Variants in ACTR3B observed in about 807,000 individuals in gnomAD.
ACTR3B encodes the protein actin-related protein 3B.
In ACTR3B, 8 loss-of-function variants were observed where a neutral mutation model predicts 59.0. That is an observed-to-expected ratio of 0.14 (90% CI 0.08 to 0.24). The LOEUF (loss-of-function observed/expected upper bound fraction) is 0.24, where lower values mean the gene tolerates loss of function less well. Among genes scored for constraint, ACTR3B ranks in the 10% least tolerant of loss-of-function variants. The pLI is 1.00. For missense variants in ACTR3B, 245 were observed against 552.3 expected (o/e 0.44, Z 5.58); for synonymous variants, 148 against 197.9 (o/e 0.75, Z 2.12).
chr7:152,775,525 C>T (rs993592852), intron 1 of ACTR3B, among the ~76,000 whole-genome samples: 9 of 151,976 alleles, frequency 5.9e-5, no homozygotes, highest in Non-Finnish European at 5.9e-5. Context: ...TTTGGGAGGC[C>T]GAGGCGGGCA....
intron 9 of ACTR3B, among the ~76,000 whole-genome samples, chr7:152,843,925 G>T (rs1162193194): frequency 6.6e-6 from 1 of 152,204 alleles, no homozygotes; most frequent in African/African-American, 2.4e-5. Context: ...GCTCCTAGAT[G>T]TGTGTGCATG....
intron 2 of ACTR3B, among the ~76,000 whole-genome samples, chr7:152,797,919 C>G (rs2098222930): frequency 6.6e-6 from 1 of 151,986 alleles, no homozygotes; most frequent in Admixed American, 6.6e-5. Context: ...GCCACATTTT[C>G]TTTATCTGTT....
At chr7:152,839,014 G>T (rs10259830) in intron 9 of ACTR3B, among the ~76,000 whole-genome samples, 2,771 of 151,872 alleles carry the variant, frequency 0.018, 29 homozygotes, top group Middle Eastern at 0.044. Context: ...GAGGGAAGTA[G>T]CATTGTTTGA....
intron 9 of ACTR3B, among the ~76,000 whole-genome samples, chr7:152,847,013 A>G (rs1241971590): frequency 6.8e-6 from 1 of 146,436 alleles, no homozygotes; most frequent in Non-Finnish European, 1.5e-5. Flanking sequence ...AGTGAGCTCT[A>G]GTGCCCGGGC....
intron 2 of ACTR3B, among the ~76,000 whole-genome samples, chr7:152,784,026 G>T (rs1748907248): frequency 6.6e-6 from 1 of 151,902 alleles, no homozygotes; most frequent in Non-Finnish European, 1.5e-5. Context: ...GGGGGTGGAG[G>T]TTGCAGTGAG....
intron 2 of ACTR3B, among the ~76,000 whole-genome samples, chr7:152,796,860 GTTTTTTTTTTTTTTTTTTTTTTT>G (rs779909545): frequency 0.011 from 594 of 54,748 alleles, 9 homozygotes; most frequent in African/African-American, 0.038. Context: ...TAGTTTTTGT[GTTTTTTTTTTTTTTTTTTTTTTT>G]TTTTTTTTTT....
intron 7 of ACTR3B, 102 bp downstream of exon 7, chr7:152,820,544 C>G (rs527284397): frequency 2.7e-6 from 4 of 1,477,188 alleles, no homozygotes; most frequent in Middle Eastern, 1.9e-4. Context: ...TCCTTCCTCT[C>G]CCCTTCCCAT....
intron 2 of ACTR3B, among the ~76,000 whole-genome samples, chr7:152,786,812 T>A (rs1480228930): frequency 6.6e-6 from 1 of 152,230 alleles, no homozygotes; most frequent in Non-Finnish European, 1.5e-5. Flanking sequence ...TGTGAGTTCA[T>A]ACATTTCCAA....
chr7:152,812,017 G>GTTT (rs1156557265), intron 4 of ACTR3B: 5 of 45,456 alleles, frequency 1.1e-4, no homozygotes, highest in African/African-American at 3.8e-4. Flanking sequence ...GAAAATAAAA[G>GTTT]TCTTTTTTTT....
At chr7:152,832,448 C>T (rs1237129092) in intron 9 of ACTR3B, among the ~76,000 whole-genome samples, 1 of 152,166 alleles carries the variant, frequency 6.6e-6, no homozygotes. Flanking sequence ...CCTGAACCAG[C>T]AGAAAGGTCA....
At chr7:152,814,800 A>G (rs182350741) in intron 5 of ACTR3B, among the ~76,000 whole-genome samples, 155 bp downstream of exon 5, 42 of 152,144 alleles carry the variant, frequency 2.8e-4, no homozygotes, top group Middle Eastern at 3.4e-3. Context: ...GACTATAGGG[A>G]ACGTGTCCCA....
At chr7:152,847,976 G>T (rs1291207262) in intron 9 of ACTR3B, among the ~76,000 whole-genome samples, 1 of 152,216 alleles carries the variant, frequency 6.6e-6, no homozygotes, top group East Asian at 1.9e-4. Flanking sequence ...GAATACTGAA[G>T]GAATGCTGAG....
chr7:152,830,408 C>T (rs1796932734), intron 9 of ACTR3B, among the ~76,000 whole-genome samples: 1 of 152,244 alleles, frequency 6.6e-6, no homozygotes, highest in Non-Finnish European at 1.5e-5. Flanking sequence ...GTTTGTGAAG[C>T]AGATGTAAAT....
Position 152,808,609 on chromosome 7 carries a change from C to T in ACTR3B, c.337-5941C>T, listed in dbSNP as rs189141501. Among the ~76,000 whole-genome samples, 3 of 152,330 alleles carry T rather than the reference C, an allele frequency of 2.0e-5. No homozygotes were observed. The East Asian group carries it at 5.8e-4, about 29-fold the overall frequency. On this transcript the variant is annotated intron_variant, in intron 4 of 11. Coordinates refer to ENST00000256001, the MANE Select transcript of ACTR3B (RefSeq NM_020445.6). ...TTGCTGGGAGGCAAGAAACCTTCCC[C>T]AGCTCTACTCAGAAATCTTCATACC...
intron 1 of ACTR3B, among the ~76,000 whole-genome samples, chr7:152,764,643 CAA>C (rs57066285): frequency 6.5e-4 from 76 of 116,682 alleles, no homozygotes; most frequent in African/African-American, 7.3e-4. Context: ...GACTCCATCT[CAA>C]AAAAAAAAAA....
intron 2 of ACTR3B, among the ~76,000 whole-genome samples, chr7:152,787,352 T>G (rs4725474): frequency 0.53 from 80,996 of 151,962 alleles, 23,569 homozygotes; most frequent in East Asian, 0.71. Context: ...TTATAGGAAC[T>G]CTTTGTAGAG....
chr7:152,799,423 G>T (rs2098227594), intron 2 of ACTR3B, among the ~76,000 whole-genome samples: 1 of 152,172 alleles, frequency 6.6e-6, no homozygotes, highest in African/African-American at 2.4e-5. Context: ...GCAGATAATA[G>T]TACCTGTCTC....
intron 2 of ACTR3B, among the ~76,000 whole-genome samples, chr7:152,794,392 A>G (rs1377764825): frequency 1.3e-5 from 2 of 151,638 alleles, no homozygotes; most frequent in East Asian, 1.9e-4. Flanking sequence ...TAAGTTTTGT[A>G]TTTTTAGTAG....
chr7:152,854,635 A>T lies in ACTR3B; in HGVS notation c.*82A>T. The T allele has an allele frequency of 1.4e-6, 2 of 1,437,662 alleles. No homozygotes were observed. The highest frequency in any genetic ancestry group is 9.7e-7 in the Non-Finnish European group (1 of 1,027,324). 89.1% of individuals were successfully genotyped at this position (1,437,662 alleles called of 1,614,324 possible). A position where few individuals can be genotyped will look rare whatever the true frequency, so the allele number is the denominator to read the frequency against. On this transcript the variant is annotated 3_prime_UTR_variant, in exon 12 of 12. Coordinates refer to ENST00000256001, the MANE Select transcript of ACTR3B (RefSeq NM_020445.6). This position sits in a 1 kb window ranked among gnomAD's most constrained non-coding sequence, Gnocchi z 4.9. ...AACCCAGAGAAGGCCGCCGTTCTGT[A>T]AATAGCGACGTCGGTGTTGCTGCCC... is the stretch of plus-strand genomic sequence containing the variant.
Sources: allele counts gnomAD v4.1 joint callset (sites outside exome capture counted in the v4.1 genomes callset), GRCh38; gene constraint gnomAD v4.1.1; non-coding constraint Gnocchi (gnomAD v3.1); transcripts MANE v1.5; gene names NCBI Gene and HGNC (gene_info 2026-07-23, HGNC 2026-07-21).